Variants in PTPRD observed in about 807,000 individuals in gnomAD.
The protein encoded by PTPRD is protein tyrosine phosphatase receptor type D.
PTPRD carries 34 observed loss-of-function variants against 214.5 expected under a neutral mutation model. The observed-to-expected ratio is 0.16, with a 90% CI of 0.12 to 0.21. The LOEUF (loss-of-function observed/expected upper bound fraction) is 0.21. PTPRD is among the 10% of genes least tolerant of loss of function. PTPRD has a pLI of 1.00. For synonymous variants in PTPRD, 1,128 were observed against 845.7 expected, an observed-to-expected ratio of 1.33 and a Z score of -5.79; for missense variants, 2,545 against 2,398.7, an observed-to-expected ratio of 1.06 and a Z score of -1.27.
chr9:8,377,264 A>C (rs1354441773), intron 37 of PTPRD, among the ~76,000 whole-genome samples: 2 of 152,116 alleles, frequency 1.3e-5, no homozygotes, highest in Non-Finnish European at 2.9e-5. Flanking sequence ...TTTGTATCCA[A>C]AGCAAATTAA....
At chr9:9,693,303 G>C (rs2097308444) in intron 7 of PTPRD, among the ~76,000 whole-genome samples, 1 of 152,044 alleles carries the variant, frequency 6.6e-6, no homozygotes, top group Non-Finnish European at 1.5e-5. Context: ...TAGGGGAATG[G>C]TTTCCCGCAT....
intron 5 of PTPRD, among the ~76,000 whole-genome samples, chr9:9,785,251 A>C (rs905717505): frequency 2.0e-5 from 3 of 152,064 alleles, no homozygotes; most frequent in African/African-American, 7.2e-5. Flanking sequence ...TATTGCAGGC[A>C]AGATTCGCAA....
chr9:9,735,665 C>A (rs1210920249), intron 6 of PTPRD, among the ~76,000 whole-genome samples: 1 of 152,028 alleles, frequency 6.6e-6, no homozygotes, highest in East Asian at 1.9e-4. Context: ...AAGATCAATG[C>A]TTCACTTTTG....
chr9:10,545,177 A>G (rs2059930100), intron 2 of PTPRD, among the ~76,000 whole-genome samples: 1 of 152,150 alleles, frequency 6.6e-6, no homozygotes, highest in African/African-American at 2.4e-5. Context: ...TACAAGGCCT[A>G]CATATGGCAC....
intron 10 of PTPRD, among the ~76,000 whole-genome samples, chr9:9,055,117 C>A (rs888221831): frequency 6.6e-6 from 1 of 152,044 alleles, no homozygotes; most frequent in East Asian, 1.9e-4. Context: ...ACTGCTAATA[C>A]AAATAAGTGA....
intron 2 of PTPRD, among the ~76,000 whole-genome samples, chr9:10,465,195 A>G (rs1033419543): frequency 2.0e-5 from 3 of 152,206 alleles, no homozygotes; most frequent in African/African-American, 7.2e-5. Context: ...ATATTTATGT[A>G]ATTCAGCAAA....
At chr9:8,862,260 A>T (rs113988977) in intron 11 of PTPRD, 1 of 152,192 alleles carries the variant, frequency 6.6e-6, no homozygotes, top group Non-Finnish European at 1.5e-5. Flanking sequence ...GGAGGCTGAG[A>T]CAGGAGAATT....
At chr9:9,262,994 T>C (rs1214069798) in intron 9 of PTPRD, among the ~76,000 whole-genome samples, 2 of 151,620 alleles carry the variant, frequency 1.3e-5, no homozygotes, top group African/African-American at 2.4e-5. Context: ...ATCTGATACA[T>C]ATAATAATTT....
intron 9 of PTPRD, among the ~76,000 whole-genome samples, chr9:9,298,856 A>G (rs1464478289): frequency 6.6e-6 from 1 of 151,828 alleles, no homozygotes; most frequent in Non-Finnish European, 1.5e-5. Context: ...AAATATGATT[A>G]TACCACAAGG....
intron 4 of PTPRD, among the ~76,000 whole-genome samples, chr9:10,024,939 G>A (rs1251021635): frequency 6.6e-6 from 1 of 151,700 alleles, no homozygotes; most frequent in Non-Finnish European, 1.5e-5. Flanking sequence ...CTTCATCCAT[G>A]TCCCTACAAA....
chr9:8,642,730 C>T (rs1367445402), intron 12 of PTPRD, among the ~76,000 whole-genome samples: 1 of 152,162 alleles, frequency 6.6e-6, no homozygotes, highest in African/African-American at 2.4e-5. Context: ...ACTTTACATT[C>T]CCTTCCAGCC....
chr9:9,202,871 G>A (rs773595172), intron 9 of PTPRD, among the ~76,000 whole-genome samples: 3 of 151,966 alleles, frequency 2.0e-5, no homozygotes, highest in Non-Finnish European at 4.4e-5. Flanking sequence ...TCTTTAGTCC[G>A]CCTCTTAAAT....
intron 12 of PTPRD, among the ~76,000 whole-genome samples, chr9:8,639,699 T>C (rs2096531592): frequency 6.6e-6 from 1 of 152,216 alleles, no homozygotes; most frequent in South Asian, 2.1e-4. Context: ...AGGCAATGGA[T>C]GCTTGGGTAA....
At position 9,482,921 on chromosome 9, in the gene PTPRD, G is replaced by A. The variant is rs745999745; in HGVS notation, c.-236-85439C>T. On this transcript the variant is annotated intron_variant, in intron 8 of 45. Transcript: ENST00000381196. ...ACTCAAATGCTTCTAACATGTAGAC[G>A]CTACTCTCTTTAAATAGTTTCTTAA... is the stretch of plus-strand genomic sequence containing the variant. Among the ~76,000 whole-genome samples, 92 of 152,182 alleles carry A rather than the reference G, an allele frequency of 6.0e-4. 1 individual carries two copies. Among genetic ancestry groups the A allele is most frequent in the African/African-American group, 1.4e-3 (59 of 41,546 alleles).
chr9:10,097,454 A>G lies in PTPRD; in HGVS notation c.-544-63664T>C, dbSNP rs554874450. On this transcript the variant is annotated intron_variant, in intron 3 of 45. Transcript: ENST00000381196. ...AGTTCTCCTTGAAGAGGTCCTTCACATCCCTTGTAAGTTGAATTCCTAGGT... is the reference window on the plus strand; with the variant it reads ...AGTTCTCCTTGAAGAGGTCCTTCACGTCCCTTGTAAGTTGAATTCCTAGGT... Among the ~76,000 whole-genome samples, 1,280 of 151,178 alleles carry G rather than the reference A, an allele frequency of 8.5e-3. 29 individuals carry two copies. Among genetic ancestry groups the G allele is most frequent in the African/African-American group, 0.03 (1,215 of 41,080 alleles).
chr9:9,644,112 A>G (rs1329132037), intron 7 of PTPRD, among the ~76,000 whole-genome samples: 1 of 152,226 alleles, frequency 6.6e-6, no homozygotes, highest in Non-Finnish European at 1.5e-5. Context: ...CAAGACAATC[A>G]AAAGTGTTTT....
At position 10,061,977 on chromosome 9, in the gene PTPRD, G is replaced by C. The variant is rs369816130; in HGVS notation, c.-544-28187C>G. On this transcript the variant is annotated intron_variant, in intron 3 of 45. Transcript: ENST00000381196. Reference sequence around the variant, plus strand: ...CTGGAAATGGAGTCTGGTGATCTAAGCCTTAACAAGCCCTCCAGGGGATTA... The same window carrying C: ...CTGGAAATGGAGTCTGGTGATCTAACCCTTAACAAGCCCTCCAGGGGATTA... 1.1e-4 allele frequency among the ~76,000 whole-genome samples: 16 copies of C among 152,068 alleles called. No homozygotes were observed. In the East Asian group the frequency reaches 3.1e-3, roughly 30 times the overall value.
chr9:8,548,443 C>A (rs542660675), intron 14 of PTPRD, among the ~76,000 whole-genome samples: 22 of 152,194 alleles, frequency 1.4e-4, no homozygotes, highest in Middle Eastern at 3.4e-3. Context: ...TCTCATCTCA[C>A]TGCAACCTCA....
chr9:10,223,965 G>A (rs2099580287), intron 3 of PTPRD, among the ~76,000 whole-genome samples: 1 of 151,450 alleles, frequency 6.6e-6, no homozygotes, highest in Non-Finnish European at 1.5e-5. Context: ...ACTTCTTACT[G>A]CAGAGTTCTA....
Sources: allele counts gnomAD v4.1 joint callset (sites outside exome capture counted in the v4.1 genomes callset), GRCh38; gene constraint gnomAD v4.1.1; transcripts MANE v1.5; gene names NCBI Gene and HGNC (gene_info 2026-07-23, HGNC 2026-07-21).